Variants in PPP1CB observed in about 807,000 individuals in gnomAD.
The protein encoded by PPP1CB is serine/threonine-protein phosphatase PP1-beta catalytic subunit.
PPP1CB carries 2 observed loss-of-function variants against 43.7 expected under a neutral mutation model. That is an observed-to-expected ratio of 0.05 (90% CI 0.02 to 0.14). The LOEUF (loss-of-function observed/expected upper bound fraction) is 0.14, where lower values mean the gene tolerates loss of function less well. PPP1CB is among the 10% of genes least tolerant of loss of function. PPP1CB has a pLI of 1.00. For missense variants in PPP1CB, 84 were observed against 398.0 expected, an observed-to-expected ratio of 0.21 and a Z score of 6.71; for synonymous variants, 136 against 135.6, an observed-to-expected ratio of 1.00 and a Z score of -0.02.
chr2:28,795,400 G>A (rs973793937), intron 7 of PPP1CB, among the ~76,000 whole-genome samples: 2 of 152,154 alleles, frequency 1.3e-5, no homozygotes, highest in African/African-American at 2.4e-5. Flanking sequence ...TCTACACACT[G>A]CTTTCCACGG....
intron 7 of PPP1CB, among the ~76,000 whole-genome samples, 163 bp downstream of exon 7, chr2:28,794,160 A>G (rs1667446893): frequency 6.6e-6 from 1 of 152,244 alleles, no homozygotes; most frequent in Non-Finnish European, 1.5e-5. Context: ...TTCAGTCACA[A>G]AGTTTCCAGC....
intron 1 of PPP1CB, among the ~76,000 whole-genome samples, chr2:28,760,970 G>T (rs745520679): frequency 1.3e-5 from 2 of 151,994 alleles, no homozygotes; most frequent in Non-Finnish European, 2.9e-5. Flanking sequence ...GTGCAGTCTC[G>T]GCTCACTGCA....
rs559532367 is a variant in PPP1CB at position 28,759,520 on chromosome 2, CAAAAAAAAA to C, written c.52+7362_52+7370del. Among the ~76,000 whole-genome samples the C allele has an allele frequency of 1.1e-3, 113 of 100,764 alleles. 1 individual carries two copies. The highest frequency in any genetic ancestry group is 5.4e-3 in the South Asian group (17 of 3,154). 66.1% of individuals were successfully genotyped at this position (100,764 alleles called of 152,430 possible). On this transcript the variant is annotated intron_variant, in intron 1 of 7. Transcript: ENST00000395366. The stretch of plus-strand genomic sequence containing the variant: ...GGGCGAAAGAGTGAGACTGCATCTC[CAAAAAAAAA>C]AAAAAAAAAAAAAAAAAGTATAACA...
rs769650329 is a variant in PPP1CB at position 28,785,065 on chromosome 2, C to CTTTTTTTTTTTTTTTTTTTTTTTTTT, written c.592+1090_592+1115dup. 4.9e-4 allele frequency among the ~76,000 whole-genome samples: 27 copies of CTTTTTTTTTTTTTTTTTTTTTTTTTT among 54,996 alleles called. 9 individuals are homozygous for CTTTTTTTTTTTTTTTTTTTTTTTTTT. The highest frequency in any genetic ancestry group is 5.9e-4 in the Non-Finnish European group (17 of 28,692). 36.1% of individuals were successfully genotyped at this position (54,996 alleles called of 152,430 possible). A position where few individuals can be genotyped will look rare whatever the true frequency, so the allele number is the denominator to read the frequency against. ...ATGTTGTAATAAATTGTGTTAGGAG[C>CTTTTTTTTTTTTTTTTTTTTTTTTTT]TTTTTTTTTTTTTTTTTTTTTTTTT... On this transcript the variant is annotated intron_variant, in intron 5 of 7. Transcript: ENST00000395366.
intron 1 of PPP1CB, among the ~76,000 whole-genome samples, chr2:28,756,673 G>A (rs951236623): frequency 2.0e-5 from 3 of 152,018 alleles, no homozygotes; most frequent in African/African-American, 4.8e-5. Flanking sequence ...TGGTAGAGAC[G>A]GGGTCTCCCT....
At chr2:28,796,367 T>C (rs552388770) in intron 7 of PPP1CB, among the ~76,000 whole-genome samples, 1 of 152,346 alleles carries the variant, frequency 6.6e-6, no homozygotes, top group South Asian at 2.1e-4. Context: ...ATTGAATCTG[T>C]AAACTACTTT....
At chr2:28,778,417 A>G (rs1257628489) in intron 2 of PPP1CB, 1 of 472,968 alleles carries the variant, frequency 2.1e-6, no homozygotes, top group Non-Finnish European at 4.4e-6. Context: ...TTAAGGCGTG[A>G]TCTCGGGCTG....
chr2:28,756,539 A>G (rs1267264849), intron 1 of PPP1CB, among the ~76,000 whole-genome samples: 7 of 152,214 alleles, frequency 4.6e-5, no homozygotes, highest in Admixed American at 6.5e-5. Context: ...GCTGGAATGC[A>G]GTGGCTTGAT....
chr2:28,777,141 A>G (rs1480042163), intron 2 of PPP1CB, 159 bp downstream of exon 2: 10 of 673,920 alleles, frequency 1.5e-5, no homozygotes, highest in Non-Finnish European at 2.1e-5. Context: ...TAAAAATGAC[A>G]AGTTACAGAC....
intron 1 of PPP1CB, among the ~76,000 whole-genome samples, chr2:28,767,797 T>A (rs1258953912): frequency 1.3e-5 from 2 of 152,208 alleles, no homozygotes; most frequent in Admixed American, 6.5e-5. Flanking sequence ...ATTTAAAAAA[T>A]GTAAAAAATT....
chr2:28,796,894 A>G (rs1035254010), intron 7 of PPP1CB, among the ~76,000 whole-genome samples: 4 of 151,994 alleles, frequency 2.6e-5, no homozygotes, highest in African/African-American at 9.7e-5. Context: ...CCTTTTCAGT[A>G]CGATGTTGGC....
At chr2:28,770,452 A>G (rs896268148) in intron 1 of PPP1CB, among the ~76,000 whole-genome samples, 4 of 148,210 alleles carry the variant, frequency 2.7e-5, no homozygotes, top group Non-Finnish European at 4.4e-5. Flanking sequence ...TGACTTGGCT[A>G]TATTTATGTT....
At chr2:28,771,915 T>C (rs1380768844) in intron 1 of PPP1CB, among the ~76,000 whole-genome samples, 1 of 148,008 alleles carries the variant, frequency 6.8e-6, no homozygotes, top group Non-Finnish European at 1.5e-5. Context: ...AAAGATAGCA[T>C]GAAGAGATGG....
intron 1 of PPP1CB, 92 bp downstream of exon 1, chr2:28,752,268 C>T (rs2148449751): frequency 1.7e-6 from 2 of 1,202,780 alleles, no homozygotes; most frequent in Non-Finnish European, 2.3e-6. Context: ...GAGGGGACCC[C>T]TTTCCCGCCC....
chr2:28,798,691 G>A (rs1462139970), intron 7 of PPP1CB, among the ~76,000 whole-genome samples: 1 of 152,046 alleles, frequency 6.6e-6, no homozygotes, highest in African/African-American at 2.4e-5. Context: ...GATGTGGAGA[G>A]CAGGAATGGG....
Position 28,781,071 on chromosome 2 carries a change from C to T in PPP1CB, c.416-667C>T, listed in dbSNP as rs117505320. 2.6e-3 allele frequency among the ~76,000 whole-genome samples: 396 copies of T among 151,866 alleles called. 5 individuals are homozygous for T. The East Asian group carries it at 0.037, about 14-fold the overall frequency. ...GTATTTAACTAGTCCACACACTGAA[C>T]GGAAAAAAATGAACTAAGAGCCTAT... is the stretch of plus-strand genomic sequence containing the variant. On this transcript the variant is annotated intron_variant, in intron 3 of 7. Coordinates refer to ENST00000395366, the MANE Select transcript of PPP1CB (RefSeq NM_002709.3).
At position 28,788,647 on chromosome 2, in the gene PPP1CB, G is replaced by T. The variant is rs1332648785; in HGVS notation, c.593-11G>T. 6.2e-7 allele frequency: 1 copy of T among 1,609,408 alleles called. No homozygotes were observed. Among genetic ancestry groups the T allele is most frequent in the Admixed American group, 1.7e-5 (1 of 58,812 alleles). ...TTTTGTTCTTAATTGCTGTATTTCT[G>T]TCCTTTAAAGGTTTGCTCTGTGATT... is the stretch of plus-strand genomic sequence containing the variant. On this transcript the variant is annotated splice_polypyrimidine_tract_variant and intron_variant, in intron 5 of 7. Transcript: ENST00000395366.
At chr2:28,796,092 A>G (rs1380530037) in intron 7 of PPP1CB, among the ~76,000 whole-genome samples, 1 of 152,100 alleles carries the variant, frequency 6.6e-6, no homozygotes, top group Non-Finnish European at 1.5e-5. Context: ...TCAAGATCAG[A>G]TGGTTGCAGG....
intron 1 of PPP1CB, among the ~76,000 whole-genome samples, chr2:28,762,326 T>G (rs576635602): frequency 3.3e-5 from 5 of 152,212 alleles, no homozygotes; most frequent in Non-Finnish European, 7.3e-5. Context: ...TAGCAACATA[T>G]TACATTTTAG....
Sources: gnomAD v4.1 joint callset for allele counts (sites outside exome capture counted in the v4.1 genomes callset) on GRCh38, gnomAD v4.1.1 for gene constraint, MANE v1.5 for transcripts, NCBI Gene and HGNC (gene_info 2026-07-23, HGNC 2026-07-21) for gene names.